FSIP1: variants seen among roughly 807,000 people sequenced by gnomAD.
FSIP1 encodes the protein fibrous sheath interacting protein 1.
Under a neutral mutation model 60.9 loss-of-function variants are expected in FSIP1, and 65 were observed. The ratio of observed to expected loss-of-function variants is 1.07; its 90% confidence interval spans 0.87 to 1.31. FSIP1 has a LOEUF of 1.31. Among genes scored for constraint, FSIP1 ranks in the 40% most tolerant of loss-of-function variants. The pLI is 0.00. For synonymous variants in FSIP1, 209 were observed against 221.2 expected, an observed-to-expected ratio of 0.94 and a Z score of 0.49; for missense variants, 675 against 665.5, an observed-to-expected ratio of 1.01 and a Z score of -0.16.
chr15:39,694,435 A>G (rs1369089771), intron 10 of FSIP1, among the ~76,000 whole-genome samples: 3 of 152,234 alleles, frequency 2.0e-5, no homozygotes, highest in Non-Finnish European at 2.9e-5. Flanking sequence ...CAAATTATAT[A>G]CACAAAATCC....
chr15:39,727,155 T>C lies in FSIP1; in HGVS notation c.892-408A>G, dbSNP rs117544954. On this transcript the variant is annotated intron_variant, in intron 8 of 11. Coordinates refer to ENST00000350221, the MANE Select transcript of FSIP1 (RefSeq NM_152597.5). ...TCCCTTAAAAGTAACATAGCATCTA[T>C]AAAATCAGTTGCTTGGGTTTCACAA... Among the ~76,000 whole-genome samples, 35 of 152,372 alleles carry C rather than the reference T, an allele frequency of 2.3e-4. No homozygotes were observed. The East Asian group carries it at 6.6e-3, about 29-fold the overall frequency.
intron 4 of FSIP1, among the ~76,000 whole-genome samples, chr15:39,764,201 T>C (rs1185203640): frequency 1.3e-4 from 20 of 152,182 alleles, no homozygotes; most frequent in Admixed American, 1.3e-3. Flanking sequence ...AACCTAAAGA[T>C]ACACCATAAA....
intron 9 of FSIP1, among the ~76,000 whole-genome samples, chr15:39,724,254 CT>C (rs377351491): frequency 0.15 from 21,874 of 141,688 alleles, 2,135 homozygotes; most frequent in African/African-American, 0.31. Flanking sequence ...CATATTCATA[CT>C]TTTTTTTTTT....
In FSIP1 at chr15:39,741,875, G is replaced by T; in HGVS notation, c.585C>A (p.Thr195=). Residue 195 remains threonine (T), a synonymous_variant, in exon 6 of 12, where the codon ACC becomes ACA. Transcript: ENST00000350221. Reference sequence around the variant, plus strand: ...TTTGAGTATGAAACACTGAGGAAAAGGTGTCTTCCTCCTCATGAGAAGGAC... The same window carrying T: ...TTTGAGTATGAAACACTGAGGAAAATGTGTCTTCCTCCTCATGAGAAGGAC... The part of the protein sequence containing the change: ...TVGPSHEEED[T]FSSVFHTQIP... 6.2e-7 allele frequency: 1 copy of T among 1,600,414 alleles called. No individual in the cohort carries two copies. Among genetic ancestry groups the T allele is most frequent in the Non-Finnish European group, 8.6e-7 (1 of 1,168,178 alleles).
At chr15:39,635,623 TGC>T (rs1002931450) in intron 10 of FSIP1, among the ~76,000 whole-genome samples, 2 of 152,164 alleles carry the variant, frequency 1.3e-5, no homozygotes, top group African/African-American at 4.8e-5. Context: ...AGCCTCCATT[TGC>T]CAGAAGACCC....
chr15:39,674,279 C>T (rs1893847508), intron 10 of FSIP1, among the ~76,000 whole-genome samples: 1 of 152,170 alleles, frequency 6.6e-6, no homozygotes, highest in Non-Finnish European at 1.5e-5. Flanking sequence ...TGGTCTTGAT[C>T]TCCTGACCTT....
At chr15:39,754,974 A>C (rs907005359) in intron 5 of FSIP1, among the ~76,000 whole-genome samples, 5 of 152,136 alleles carry the variant, frequency 3.3e-5, no homozygotes, top group Admixed American at 6.6e-5. Flanking sequence ...GAAGTTGACC[A>C]GGTAGCACCA....
intron 10 of FSIP1, among the ~76,000 whole-genome samples, chr15:39,648,212 CAAA>C (rs35577831): frequency 1.7e-5 from 2 of 117,566 alleles, no homozygotes; most frequent in African/African-American, 3.1e-5. Flanking sequence ...AAATTGCTAC[CAAA>C]AAAAAAAAAA....
intron 10 of FSIP1, among the ~76,000 whole-genome samples, chr15:39,659,627 TA>T (rs10648104): frequency 6.0e-4 from 83 of 138,002 alleles, no homozygotes; most frequent in East Asian, 4.0e-3. Flanking sequence ...GCTGTTATTT[TA>T]AAAAAAAAAA....
At chr15:39,657,230 G>T (rs529057759) in intron 10 of FSIP1, among the ~76,000 whole-genome samples, 2 of 152,328 alleles carry the variant, frequency 1.3e-5, no homozygotes, top group African/African-American at 4.8e-5. Context: ...CAGTAATCCA[G>T]CTCAGGATCA....
intron 8 of FSIP1, among the ~76,000 whole-genome samples, chr15:39,728,920 A>T (rs926798711): frequency 1.3e-5 from 2 of 152,194 alleles, no homozygotes; most frequent in African/African-American, 4.8e-5. Context: ...CAAAGAGCAA[A>T]GTAGGCAAAA....
chr15:39,644,440 C>G (rs80346668), intron 10 of FSIP1, among the ~76,000 whole-genome samples: 3,817 of 152,248 alleles, frequency 0.025, 147 homozygotes, highest in East Asian at 0.11. Context: ...TCCTGCTGAA[C>G]CAGGCTGCCA....
chr15:39,604,542 G>A (rs184949490), intron 11 of FSIP1, among the ~76,000 whole-genome samples: 10 of 152,290 alleles, frequency 6.6e-5, no homozygotes, highest in Admixed American at 4.6e-4. Context: ...AATTGAAGAT[G>A]TAAATTAACC....
At chr15:39,652,652 T>C (rs1344645808) in intron 10 of FSIP1, among the ~76,000 whole-genome samples, 1 of 152,220 alleles carries the variant, frequency 6.6e-6, no homozygotes, top group East Asian at 1.9e-4. Context: ...AGTAATCTTA[T>C]CTGTGACATT....
chr15:39,680,158 A>T (rs554369064), intron 10 of FSIP1, among the ~76,000 whole-genome samples: 15 of 151,974 alleles, frequency 9.9e-5, no homozygotes, highest in African/African-American at 3.6e-4. Flanking sequence ...GTCTCAAAAA[A>T]AATAATAATA....
chr15:39,627,522 A>C (rs1239423975), intron 10 of FSIP1, among the ~76,000 whole-genome samples: 2 of 152,178 alleles, frequency 1.3e-5, no homozygotes, highest in Non-Finnish European at 2.9e-5. Context: ...TGAAGGAGTT[A>C]CTTTCCCCCA....
At chr15:39,763,360 C>T (rs561019927) in intron 5 of FSIP1, among the ~76,000 whole-genome samples, 8 of 152,158 alleles carry the variant, frequency 5.3e-5, no homozygotes, top group African/African-American at 1.9e-4. Flanking sequence ...AATATACATA[C>T]AAACAAAGGA....
chr15:39,727,948 T>TA (rs1202324044), intron 8 of FSIP1, among the ~76,000 whole-genome samples: 2 of 152,082 alleles, frequency 1.3e-5, no homozygotes, highest in Non-Finnish European at 1.5e-5. Context: ...TTTCAGGATG[T>TA]AAAATCAATG....
chr15:39,722,798 C>G (rs542570648), intron 9 of FSIP1, among the ~76,000 whole-genome samples: 1 of 152,190 alleles, frequency 6.6e-6, no homozygotes, highest in African/African-American at 2.4e-5. Flanking sequence ...GGTGTGATGG[C>G]ATGCACCTGT....
Sources: allele counts gnomAD v4.1 joint callset (sites outside exome capture counted in the v4.1 genomes callset), GRCh38; gene constraint gnomAD v4.1.1; transcripts MANE v1.5; gene names NCBI Gene and HGNC (gene_info 2026-07-23, HGNC 2026-07-21).